CCDC7: variants seen among roughly 807,000 people sequenced by gnomAD.
CCDC7 encodes coiled-coil domain containing 7.
A neutral mutation model predicts 196.9 loss-of-function variants in CCDC7; 183 were observed. The ratio of observed to expected loss-of-function variants is 0.93; its 90% confidence interval spans 0.82 to 1.05. The LOEUF (loss-of-function observed/expected upper bound fraction) is 1.05, where lower values mean the gene tolerates loss of function less well. Ranked by LOEUF, CCDC7 falls within the 50% of genes least tolerant of loss-of-function variation. The pLI is 0.00. For synonymous variants in CCDC7, 525 were observed against 484.6 expected, an observed-to-expected ratio of 1.08 and a Z score of -1.10; for missense variants, 1,540 against 1,482.2, an observed-to-expected ratio of 1.04 and a Z score of -0.64.
At chr10:32,547,470 C>T (rs1294543221) in intron 13 of CCDC7, among the ~76,000 whole-genome samples, 4 of 152,012 alleles carry the variant, frequency 2.6e-5, no homozygotes, top group Non-Finnish European at 4.4e-5. Flanking sequence ...ATTCTATTGG[C>T]CAGAAGCAAG....
intron 41 of CCDC7, among the ~76,000 whole-genome samples, chr10:32,867,766 T>C (rs2094257118): frequency 6.6e-6 from 1 of 151,788 alleles, no homozygotes; most frequent in Non-Finnish European, 1.5e-5. Flanking sequence ...TTAGTAAACA[T>C]ACATTACATA....
At chr10:32,847,851 T>C (rs1232533682) in exon 38 of CCDC7, 3 of 1,610,808 alleles carry the variant, frequency 1.9e-6, no homozygotes, top group Non-Finnish European at 1.7e-6. Context: ...GTAGAACCCT[T>C]GACAAATGCC....
At chr10:32,574,689 A>G (rs542724345) in intron 16 of CCDC7, 2 of 268,574 alleles carry the variant, frequency 7.4e-6, no homozygotes, top group South Asian at 2.7e-4. Flanking sequence ...GTTTTGTGGC[A>G]TTGAAATTCA....
At chr10:32,521,028 G>A (rs1040511447) in intron 11 of CCDC7, among the ~76,000 whole-genome samples, 5 of 151,998 alleles carry the variant, frequency 3.3e-5, no homozygotes, top group South Asian at 2.1e-4. Flanking sequence ...TGAGTTCATC[G>A]TAGGTGTGTG....
At chr10:32,530,417 T>G (rs2049450133) in intron 11 of CCDC7, among the ~76,000 whole-genome samples, 2 of 152,146 alleles carry the variant, frequency 1.3e-5, no homozygotes, top group Non-Finnish European at 2.9e-5. Flanking sequence ...AACCCACAGC[T>G]AACACTATAC....
chr10:32,471,142 G>C, exon 6 of CCDC7: 2 of 1,612,814 alleles, frequency 1.2e-6, no homozygotes, highest in Non-Finnish European at 1.7e-6. Flanking sequence ...TGCAGAAATA[G>C]TAAGGCTTGT....
intron 31 of CCDC7, among the ~76,000 whole-genome samples, chr10:32,823,290 C>T (rs1009150872): frequency 3.3e-5 from 5 of 151,902 alleles, no homozygotes; most frequent in Non-Finnish European, 5.9e-5. Context: ...CTAAGGCGCA[C>T]GCCACCACGC....
chr10:32,857,018 C>T (rs1440716802), intron 41 of CCDC7, among the ~76,000 whole-genome samples: 18 of 152,294 alleles, frequency 1.2e-4, no homozygotes, highest in African/African-American at 4.3e-4. Context: ...TTCCCTGTAA[C>T]ACAGCACTGC....
At chr10:32,725,238 A>G in intron 25 of CCDC7, 1 of 433,086 alleles carries the variant, frequency 2.3e-6, no homozygotes, top group Non-Finnish European at 4.7e-6. Context: ...CGAAGCACCA[A>G]CTGATTTATG....
At chr10:32,574,572 CA>C in intron 16 of CCDC7, 1 of 1,162,138 alleles carries the variant, frequency 8.6e-7, no homozygotes. Context: ...CAACATTTAT[CA>C]GTTTATTTTG....
intron 28 of CCDC7, among the ~76,000 whole-genome samples, chr10:32,763,578 C>A (rs1207464685): frequency 6.6e-6 from 1 of 151,864 alleles, no homozygotes; most frequent in East Asian, 1.9e-4. Context: ...ATGAAAACAA[C>A]GTGTCTGTCA....
chr10:32,774,320 A>G (rs1473346264), intron 28 of CCDC7, among the ~76,000 whole-genome samples: 3 of 151,660 alleles, frequency 2.0e-5, no homozygotes, highest in Non-Finnish European at 4.4e-5. Context: ...AGTTCATCCC[A>G]GGTGGTTCAG....
At chr10:32,511,789 G>T in intron 9 of CCDC7, 1 of 1,317,246 alleles carries the variant, frequency 7.6e-7, no homozygotes, top group Non-Finnish European at 1.1e-6. Context: ...AAGCGGTCGG[G>T]CAACGATGAC....
chr10:32,632,818 A>G (rs2065058048), intron 18 of CCDC7, among the ~76,000 whole-genome samples: 2 of 152,254 alleles, frequency 1.3e-5, no homozygotes, highest in South Asian at 4.2e-4. Flanking sequence ...GCATGAGTTT[A>G]ATACTATTAA....
At chr10:32,464,078 G>A (rs1021156401) in intron 5 of CCDC7, among the ~76,000 whole-genome samples, 1 of 151,604 alleles carries the variant, frequency 6.6e-6, no homozygotes, top group East Asian at 1.9e-4. Flanking sequence ...CTCTTCTTTT[G>A]CACTCAGTCC....
At chr10:32,511,192 C>T in intron 9 of CCDC7, 2 of 585,848 alleles carry the variant, frequency 3.4e-6, no homozygotes, top group Non-Finnish European at 6.0e-6. Flanking sequence ...TACATATTTA[C>T]TGTGAATTTA....
chr10:32,535,787 G>A (rs747051986), intron 11 of CCDC7, among the ~76,000 whole-genome samples: 55 of 152,174 alleles, frequency 3.6e-4, no homozygotes, highest in Non-Finnish European at 6.2e-4. Flanking sequence ...CGTTAATTAC[G>A]TTAATAGAAG....
intron 18 of CCDC7, among the ~76,000 whole-genome samples, chr10:32,614,466 G>C (rs1335446688): frequency 6.6e-6 from 1 of 152,086 alleles, no homozygotes; most frequent in Non-Finnish European, 1.5e-5. Context: ...ATTGTTATAT[G>C]TGAATTTGAT....
At chr10:32,600,210 CATTT>C (rs1554888230) in intron 18 of CCDC7, among the ~76,000 whole-genome samples, 1 of 151,332 alleles carries the variant, frequency 6.6e-6, no homozygotes, top group Non-Finnish European at 1.5e-5. Flanking sequence ...GATGTGTTTT[CATTT>C]GTTTGTGTCA....
Sources: gnomAD v4.1 joint callset for allele counts (sites outside exome capture counted in the v4.1 genomes callset) on GRCh38, gnomAD v4.1.1 for gene constraint, MANE v1.5 for transcripts, NCBI Gene and HGNC (gene_info 2026-07-23, HGNC 2026-07-21) for gene names.